SRGAP3: variants seen among roughly 807,000 people sequenced by gnomAD.
SRGAP3 encodes the protein SLIT-ROBO Rho GTPase-activating protein 3.
A neutral mutation model predicts 121.1 loss-of-function variants in SRGAP3; 39 were observed. That is an observed-to-expected ratio of 0.32 (90% CI 0.25 to 0.42). SRGAP3 has a LOEUF of 0.42. Among genes scored for constraint, SRGAP3 ranks in the 10% least tolerant of loss-of-function variants. The pLI is 1.00. For missense variants in SRGAP3, 1,213 were observed against 1,470.6 expected (o/e 0.82, Z 2.86); for synonymous variants, 601 against 570.0 (o/e 1.05, Z -0.77).
chr3:9,031,932 T>C (rs1372132273), intron 12 of SRGAP3, among the ~76,000 whole-genome samples: 1 of 152,174 alleles, frequency 6.6e-6, no homozygotes, highest in Non-Finnish European at 1.5e-5. Flanking sequence ...CGCTTCTCCA[T>C]CTTCTTAATT....
chr3:9,027,073 A>C (rs1574934776), intron 12 of SRGAP3, 78 bp from the exon 13 acceptor site: 6 of 1,317,088 alleles, frequency 4.6e-6, no homozygotes, highest in Non-Finnish European at 6.6e-6. Context: ...CACCGATTAC[A>C]GACTCAAGCC....
chr3:9,189,681 T>A (rs772132216), intron 1 of SRGAP3, among the ~76,000 whole-genome samples: 1 of 152,220 alleles, frequency 6.6e-6, no homozygotes, highest in Non-Finnish European at 1.5e-5. Flanking sequence ...TCTGAGAGCA[T>A]GTCTGGGATC....
chr3:9,305,567 A>AC (rs552868736), intron 3 of SRGAP3, among the ~76,000 whole-genome samples: 2 of 148,796 alleles, frequency 1.3e-5, no homozygotes, highest in Non-Finnish European at 3.0e-5. Flanking sequence ...CCAGTCTCCC[A>AC]CCCCCCGACA....
chr3:9,311,962 A>G (rs1375899916), intron 3 of SRGAP3, among the ~76,000 whole-genome samples: 1 of 152,226 alleles, frequency 6.6e-6, no homozygotes, highest in Admixed American at 6.5e-5. Context: ...GTGCTAATGC[A>G]TCCACTTGCC....
At chr3:9,044,882 G>C (rs2125132063) in intron 10 of SRGAP3, among the ~76,000 whole-genome samples, 1 of 152,180 alleles carries the variant, frequency 6.6e-6, no homozygotes. Context: ...TATCAATTAG[G>C]TCAGTGGAAA....
chr3:9,342,572 C>T (rs1179570048), intron 1 of SRGAP3, among the ~76,000 whole-genome samples: 1 of 152,258 alleles, frequency 6.6e-6, no homozygotes, highest in African/African-American at 2.4e-5. Flanking sequence ...CTTCCTTTGA[C>T]TTCTTCCTCT....
At position 9,113,362 on chromosome 3, in the gene SRGAP3, G is replaced by A. The variant is rs998562154; in HGVS notation, c.261-8520C>T. The stretch of plus-strand genomic sequence containing the variant: ...CTTTGGTGTCCTTGGTGTAGACACA[G>A]CACCCCAATCTTTGCCTTCACCTTT... On this transcript the variant is annotated intron_variant, in intron 2 of 21. Coordinates refer to ENST00000383836, the MANE Select transcript of SRGAP3 (RefSeq NM_014850.4). 9.9e-5 allele frequency among the ~76,000 whole-genome samples: 15 copies of A among 152,160 alleles called. 1 individual carries two copies. The highest frequency in any genetic ancestry group is 3.6e-4 in the African/African-American group (15 of 41,436).
At chr3:9,271,724 A>C (rs2125260874) in intron 3 of SRGAP3, among the ~76,000 whole-genome samples, 1 of 152,014 alleles carries the variant, frequency 6.6e-6, no homozygotes, top group South Asian at 2.1e-4. Flanking sequence ...AAGATGAAAA[A>C]CCCTACAGCC....
At chr3:9,228,819 T>C (rs1287687997) in intron 1 of SRGAP3, among the ~76,000 whole-genome samples, 1 of 150,856 alleles carries the variant, frequency 6.6e-6, no homozygotes, top group Non-Finnish European at 1.5e-5. Flanking sequence ...TCCCAGCACT[T>C]TGGGAGGCCG....
intron 3 of SRGAP3, among the ~76,000 whole-genome samples, chr3:9,100,497 A>T (rs1948174260): frequency 6.6e-6 from 1 of 152,212 alleles, no homozygotes. Context: ...CCCACAGAGG[A>T]GGAATTAGGA....
At chr3:9,194,600 A>T (rs1951863845) in intron 1 of SRGAP3, 2 of 152,228 alleles carry the variant, frequency 1.3e-5, no homozygotes, top group South Asian at 4.1e-4. Flanking sequence ...TGCAGGGCTG[A>T]AAGCCTCCTG....
At chr3:9,229,329 C>G (rs1953115305) in intron 1 of SRGAP3, among the ~76,000 whole-genome samples, 1 of 152,130 alleles carries the variant, frequency 6.6e-6, no homozygotes, top group Non-Finnish European at 1.5e-5. Flanking sequence ...GAAGCAGGAG[C>G]AGTCGTCTAG....
chr3:9,116,659 G>A (rs1466963437), intron 2 of SRGAP3, among the ~76,000 whole-genome samples: 1 of 152,170 alleles, frequency 6.6e-6, no homozygotes, highest in Non-Finnish European at 1.5e-5. Flanking sequence ...GCTCATCCAA[G>A]GAGGATATGG....
chr3:9,026,822 G>A, intron 13 of SRGAP3, 113 bp downstream of exon 13: 1 of 1,195,406 alleles, frequency 8.4e-7, no homozygotes, highest in Non-Finnish European at 1.2e-6. Context: ...CCCCTCCAAA[G>A]CAGAGCTGTG....
intron 18 of SRGAP3, among the ~76,000 whole-genome samples, chr3:8,996,747 A>G (rs1191224361): frequency 6.6e-6 from 1 of 152,218 alleles, no homozygotes; most frequent in East Asian, 1.9e-4. Flanking sequence ...GCCTCGTTAC[A>G]AGAGTCAGAA....
intron 19 of SRGAP3, 151 bp from the exon 20 acceptor site, chr3:8,993,206 G>A: frequency 7.9e-7 from 1 of 1,265,508 alleles, no homozygotes; most frequent in Non-Finnish European, 1.1e-6. Context: ...CCCACTGGGT[G>A]CCTTCCCACC....
intron 1 of SRGAP3, among the ~76,000 whole-genome samples, chr3:9,151,201 C>G (rs534389620): frequency 6.6e-6 from 1 of 152,188 alleles, no homozygotes; most frequent in Admixed American, 6.5e-5. Flanking sequence ...TCTGGCTGAG[C>G]ACATCAGGCA....
intron 3 of SRGAP3, among the ~76,000 whole-genome samples, chr3:9,301,414 A>G (rs1380904267): frequency 6.6e-6 from 1 of 152,226 alleles, no homozygotes; most frequent in Non-Finnish European, 1.5e-5. Flanking sequence ...TGGCCCTTAA[A>G]GGCTCCATGG....
rs770690937 is a variant in SRGAP3 at position 8,985,547 on chromosome 3, C to A, written c.3272G>T (p.Ser1091Ile). The part of the protein sequence containing the change: ...VTPTEKMFPN[S>I]SADKSGTM ...CATGGTGCCCGACTTGTCCGCTGAGCTGTTGGGGAACATCTTCTCGGTGGG... is the reference window on the plus strand; with the variant it reads ...CATGGTGCCCGACTTGTCCGCTGAGATGTTGGGGAACATCTTCTCGGTGGG... Residue 1091 changes from serine (S) to isoleucine (I), a missense_variant, in exon 22 of 22, where the codon AGC becomes ATC. Physicochemically the swap from Ser to Ile is moderately radical, Grantham distance 142 (BLOSUM62 -2). This residue lies in a region of SRGAP3 where 420 missense variants were observed against 437.7 expected (regional missense o/e 0.96). Coordinates refer to ENST00000383836, the MANE Select transcript of SRGAP3 (RefSeq NM_014850.4). This position sits in a 1 kb window ranked among gnomAD's most constrained non-coding sequence, Gnocchi z 5.1. The A allele has an allele frequency of 2.5e-6, 4 of 1,599,042 alleles. No individual in the cohort carries two copies. Among genetic ancestry groups the A allele is most frequent in the Non-Finnish European group, 2.5e-6 (3 of 1,179,476 alleles).
Sources: gnomAD v4.1 joint callset for allele counts (sites outside exome capture counted in the v4.1 genomes callset) on GRCh38, gnomAD v4.1.1 for gene constraint, gnomAD v4.1.1 regional missense constraint, Gnocchi (gnomAD v3.1) non-coding constraint, MANE v1.5 for transcripts, NCBI Gene and HGNC (gene_info 2026-07-23, HGNC 2026-07-21) for gene names.